CHN2: variants seen among roughly 807,000 people sequenced by gnomAD.
CHN2 encodes the protein chimerin 2.
CHN2 carries 35 observed loss-of-function variants against 56.3 expected under a neutral mutation model. The ratio of observed to expected loss-of-function variants is 0.62; its 90% CI spans 0.47 to 0.82. The LOEUF (loss-of-function observed/expected upper bound fraction) is 0.82. Among genes scored for constraint, CHN2 ranks in the 40% least tolerant of loss-of-function variants. The pLI, the probability that CHN2 is intolerant of heterozygous loss-of-function variation, is 0.00. For synonymous variants in CHN2, 210 were observed against 212.8 expected (o/e 0.99, Z 0.12); for missense variants, 491 against 580.5 (o/e 0.85, Z 1.58).
intron 2 of CHN2, among the ~76,000 whole-genome samples, chr7:29,155,583 C>T (rs982445934): frequency 3.9e-5 from 6 of 152,308 alleles, no homozygotes; most frequent in African/African-American, 1.2e-4. Flanking sequence ...GTCTCTCTGA[C>T]ACCAAAACTG....
At chr7:29,356,819 G>A (rs1035394962) in intron 2 of CHN2, among the ~76,000 whole-genome samples, 1 of 152,196 alleles carries the variant, frequency 6.6e-6, no homozygotes, top group African/African-American at 2.4e-5. Flanking sequence ...TTGTTTGTTT[G>A]TTTCCTAATG....
intron 2 of CHN2, among the ~76,000 whole-genome samples, chr7:29,150,001 T>A (rs1359277604): frequency 6.6e-6 from 1 of 152,258 alleles, no homozygotes; most frequent in African/African-American, 2.4e-5. Context: ...CCTTCTCTTG[T>A]ATTGAGAATA....
Position 29,220,066 on chromosome 7 carries a change from C to T in CHN2, c.49+25076C>T, listed in dbSNP as rs375625042. Among the ~76,000 whole-genome samples, 234 of 149,488 alleles carry T rather than the reference C, an allele frequency of 1.6e-3. 1 individual carries two copies. The highest frequency in any genetic ancestry group is 5.5e-3 in the African/African-American group (219 of 40,182). On this transcript the variant is annotated intron_variant, in intron 1 of 12. Transcript: ENST00000222792. ...CCTCAGCCTGGGTGACAGAGCAAGA[C>T]TCTGTCTCAAAAAAATAAAAAAATT...
intron 3 of CHN2, among the ~76,000 whole-genome samples, chr7:29,381,211 G>C (rs1220623560): frequency 6.6e-6 from 1 of 152,168 alleles, no homozygotes; most frequent in Non-Finnish European, 1.5e-5. Context: ...CCCTGGTTGG[G>C]AGGTCAGCCA....
At chr7:29,391,342 AGGGAGGGGAG>A (rs201568926) in intron 3 of CHN2, among the ~76,000 whole-genome samples, 33 of 84,108 alleles carry the variant, frequency 3.9e-4, no homozygotes, top group African/African-American at 1.0e-3. Flanking sequence ...GGGAAGAGGA[AGGGAGGGGAG>A]GGGAGGGGAG....
At chr7:29,197,722 G>T (rs1001175261) in intron 1 of CHN2, among the ~76,000 whole-genome samples, 2 of 152,184 alleles carry the variant, frequency 1.3e-5, no homozygotes, top group Non-Finnish European at 2.9e-5. Flanking sequence ...TGTTTGGCAT[G>T]GAAAGATGAG....
chr7:29,339,702 A>C (rs1796895568), intron 1 of CHN2, among the ~76,000 whole-genome samples: 1 of 152,002 alleles, frequency 6.6e-6, no homozygotes, highest in South Asian at 2.1e-4. Context: ...ACAATACAAA[A>C]ATCAGCCAGG....
In CHN2 at chr7:29,512,708, A is replaced by G; in HGVS notation, c.1380A>G (p.Leu460=). 2.5e-6 allele frequency: 4 copies of G among 1,614,230 alleles called. 1 individual carries two copies. The South Asian group carries it at 4.4e-5, about 18-fold the overall frequency. ...MRYQKLIVQI[L]IENEDVLF ...ACCAAAAGCTGATTGTGCAGATTTT[A>G]ATAGAAAACGAAGACGTTTTATTCT... Residue 460 remains leucine, a synonymous_variant, in exon 13 of 13, where the codon TTA becomes TTG. Transcript: ENST00000222792.
upstream of CHN2, chr7:29,193,033 C>T (rs1783094845): frequency 1.3e-5 from 2 of 152,248 alleles, no homozygotes; most frequent in Non-Finnish European, 1.5e-5. Flanking sequence ...TGCATCATTT[C>T]GTGCAGTCCA....
At chr7:29,374,833 CT>C (rs1213895280) in intron 3 of CHN2, among the ~76,000 whole-genome samples, 37 of 149,092 alleles carry the variant, frequency 2.5e-4, no homozygotes, top group African/African-American at 9.1e-4. Flanking sequence ...TCCTTCCTTC[CT>C]TCCTTCCTTC....
chr7:29,228,784 G>A lies in CHN2; in HGVS notation c.49+33794G>A, dbSNP rs1483302329. The stretch of plus-strand genomic sequence containing the variant: ...GCTTTGGCTGCAGGCACAGTAGTAA[G>A]GGGGGCTGTTTGTCTCCTTTGACCC... On this transcript the variant is annotated intron_variant, in intron 1 of 12. Transcript: ENST00000222792. Among the ~76,000 whole-genome samples, 5 of 152,234 alleles carry A rather than the reference G, an allele frequency of 3.3e-5. 1 individual carries two copies. The South Asian group carries it at 1.0e-3, about 32-fold the overall frequency.
intron 8 of CHN2, 65 bp from the exon 9 acceptor site, chr7:29,499,802 A>G: frequency 7.0e-7 from 1 of 1,426,082 alleles, no homozygotes; most frequent in South Asian, 1.5e-5. Flanking sequence ...TTTTGGCAAC[A>G]TATAATTTGT....
chr7:29,395,598 A>G (rs1801681286), intron 4 of CHN2, among the ~76,000 whole-genome samples: 1 of 152,218 alleles, frequency 6.6e-6, no homozygotes, highest in African/African-American at 2.4e-5. Context: ...TAGTTCTACC[A>G]TGAAAGAGAA....
At chr7:29,165,919 T>C (rs1211760931) in intron 2 of CHN2, among the ~76,000 whole-genome samples, 2 of 152,232 alleles carry the variant, frequency 1.3e-5, no homozygotes, top group Non-Finnish European at 1.5e-5. Flanking sequence ...TAAACAGTGT[T>C]TGTCACTATG....
In CHN2 at chr7:29,425,946, T is replaced by C. The variant is rs575396876; in HGVS notation, c.576+25118T>C. Among the ~76,000 whole-genome samples the C allele has an allele frequency of 7.4e-4, 112 of 152,004 alleles. 2 individuals are homozygous for C. The highest frequency in any genetic ancestry group is 2.6e-3 in the African/African-American group (106 of 41,464). ...GGACTGTGGGCCGGGTGTGGTAGCT[T>C]ACACCTGTAATCCCAGCACTTTGGG... On this transcript the variant is annotated intron_variant, in intron 6 of 12. Coordinates refer to ENST00000222792, the MANE Select transcript of CHN2 (RefSeq NM_004067.4).
At chr7:29,413,911 A>G (rs1348335374) in intron 6 of CHN2, among the ~76,000 whole-genome samples, 2 of 152,122 alleles carry the variant, frequency 1.3e-5, no homozygotes, top group Non-Finnish European at 2.9e-5. Flanking sequence ...TCTGCTCTGG[A>G]CTGATTTGTT....
At chr7:29,409,025 C>A (rs73687413) in intron 6 of CHN2, among the ~76,000 whole-genome samples, 18,113 of 152,234 alleles carry the variant, frequency 0.12, 1,173 homozygotes, top group East Asian at 0.17. Flanking sequence ...TGTGCAAGAA[C>A]AAATTTTTCA....
intron 3 of CHN2, among the ~76,000 whole-genome samples, chr7:29,390,440 A>G (rs541687776): frequency 6.6e-6 from 1 of 152,230 alleles, no homozygotes; most frequent in South Asian, 2.1e-4. Flanking sequence ...TAGGATAGTC[A>G]CAGTGGCAGG....
intron 1 of CHN2, among the ~76,000 whole-genome samples, chr7:29,276,329 G>A (rs1323559917): frequency 6.6e-6 from 1 of 152,192 alleles, no homozygotes; most frequent in East Asian, 1.9e-4. Context: ...CCAGGGTGTG[G>A]AGGGATGCAG....
Sources: gnomAD v4.1 joint callset for allele counts (sites outside exome capture counted in the v4.1 genomes callset) on GRCh38, gnomAD v4.1.1 for gene constraint, MANE v1.5 for transcripts, NCBI Gene and HGNC (gene_info 2026-07-23, HGNC 2026-07-21) for gene names.